Variants in PTPN3 observed in about 807,000 individuals in gnomAD.
The protein encoded by PTPN3 is protein tyrosine phosphatase non-receptor type 3, also known as tyrosine-protein phosphatase non-receptor type 3.
Under a neutral mutation model 132.7 loss-of-function variants are expected in PTPN3, and 96 were observed. The observed-to-expected ratio is 0.72, with a 90% CI of 0.61 to 0.86. The LOEUF is 0.86. PTPN3 is among the 40% of genes least tolerant of loss of function. PTPN3 has a pLI of 0.00. For synonymous variants in PTPN3, 398 were observed against 429.0 expected (o/e 0.93, Z 0.89); for missense variants, 1,125 against 1,159.6 (o/e 0.97, Z 0.43).
chr9:109,436,950 G>T lies in PTPN3; in HGVS notation c.608C>A (p.Ala203Glu). ...CGCTATGTTGATATAGCAGGATTCT[G>T]CTTCTGATTGTTTTAGCCCACTACG... is the stretch of plus-strand genomic sequence containing the variant. ...EQHSGLKQSE[A>E]ESCYINIART... Residue 203 changes from alanine (A) to glutamate (E), a missense_variant, in exon 9 of 26, where the codon GCA (alanine) becomes GAA (glutamate). Coordinates refer to ENST00000374541, the MANE Select transcript of PTPN3 (RefSeq NM_002829.4). The T allele has an allele frequency of 6.2e-7, 1 of 1,614,058 alleles. No homozygotes were observed. Among genetic ancestry groups the T allele is most frequent in the Non-Finnish European group, 8.5e-7 (1 of 1,179,972 alleles).
At chr9:109,486,670 G>A (rs1057464546) in intron 1 of PTPN3, among the ~76,000 whole-genome samples, 10 of 152,146 alleles carry the variant, frequency 6.6e-5, no homozygotes, top group Admixed American at 2.0e-4. Flanking sequence ...GTGCAGATGT[G>A]ATATACACAG....
chr9:109,502,422 G>A (rs771698958), upstream of PTPN3, among the ~76,000 whole-genome samples: 1 of 152,228 alleles, frequency 6.6e-6, no homozygotes, highest in Non-Finnish European at 1.5e-5. Context: ...ACATGGGCAA[G>A]TGGTGCTGTT....
At chr9:109,430,727 T>A (rs1346122357) in intron 10 of PTPN3, among the ~76,000 whole-genome samples, 1 of 152,160 alleles carries the variant, frequency 6.6e-6, no homozygotes, top group African/African-American at 2.4e-5. Context: ...CATGCAGGAA[T>A]GCCTAGAGTC....
chr9:109,474,631 A>G (rs1355416034), intron 1 of PTPN3, among the ~76,000 whole-genome samples: 2 of 152,180 alleles, frequency 1.3e-5, no homozygotes, highest in African/African-American at 4.8e-5. Flanking sequence ...TGGGGGGGAA[A>G]ATGCACGCAT....
At chr9:109,449,928 G>A (rs1050016197) in intron 5 of PTPN3, 48 of 985,206 alleles carry the variant, frequency 4.9e-5, no homozygotes, top group Non-Finnish European at 5.7e-5. Flanking sequence ...CTTTGTACAT[G>A]GTACTACTTT....
intron 2 of PTPN3, among the ~76,000 whole-genome samples, chr9:109,460,779 A>G (rs12000215): frequency 0.36 from 55,043 of 152,028 alleles, 10,575 homozygotes; most frequent in African/African-American, 0.49. Flanking sequence ...GACTCAGCAC[A>G]TATTTTTTTA....
chr9:109,534,068 G>A, the PTPN3 span: 1 of 771,406 alleles, frequency 1.3e-6, no homozygotes, highest in South Asian at 1.4e-5. Flanking sequence ...TTGGCAGTCT[G>A]GGGTACAAAT....
chr9:109,518,895 T>C, the PTPN3 span, among the ~76,000 whole-genome samples: 3 of 152,134 alleles, frequency 2.0e-5, no homozygotes, highest in Non-Finnish European at 4.4e-5. Context: ...TCCAGAAGAC[T>C]GAGAATAAGA....
chr9:109,497,587 C>T (rs1374637360), intron 1 of PTPN3, among the ~76,000 whole-genome samples: 5 of 152,166 alleles, frequency 3.3e-5, no homozygotes, highest in Non-Finnish European at 5.9e-5. Context: ...GTTTAGGTAG[C>T]TGAAAATGGG....
At chr9:109,450,078 T>C in intron 5 of PTPN3, 2 of 984,616 alleles carry the variant, frequency 2.0e-6, no homozygotes, top group Non-Finnish European at 2.4e-6. Context: ...GATCATGTTA[T>C]AAAAAAACTC....
the PTPN3 span, among the ~76,000 whole-genome samples, chr9:109,529,551 T>G: frequency 6.6e-6 from 1 of 152,226 alleles, no homozygotes; most frequent in South Asian, 2.1e-4. Context: ...TCCATTCCTA[T>G]CTGTTCTCTA....
intron 12 of PTPN3, among the ~76,000 whole-genome samples, chr9:109,423,967 A>G (rs143773421): frequency 1.3e-5 from 2 of 152,346 alleles, no homozygotes; most frequent in Non-Finnish European, 2.9e-5. Context: ...TCACATTAAG[A>G]AATGCTGTTG....
chr9:109,502,973 CT>C (rs1289455666), upstream of PTPN3, among the ~76,000 whole-genome samples: 12 of 152,254 alleles, frequency 7.9e-5, no homozygotes, highest in African/African-American at 2.9e-4. Flanking sequence ...CAGAAGTTAT[CT>C]TTTACAAATT....
intron 25 of PTPN3, among the ~76,000 whole-genome samples, chr9:109,379,978 TCCTGGA>T (rs1365987963): frequency 1.3e-5 from 2 of 152,116 alleles, no homozygotes; most frequent in Non-Finnish European, 1.5e-5. Flanking sequence ...GGGAGCCTGC[TCCTGGA>T]CTCAACACCT....
chr9:109,464,609 G>A (rs1247785193), intron 1 of PTPN3, among the ~76,000 whole-genome samples: 1 of 152,062 alleles, frequency 6.6e-6, no homozygotes, highest in South Asian at 2.1e-4. Flanking sequence ...ACCAAAATAT[G>A]TATCTAATAA....
chr9:109,463,809 A>G (rs1845966389), intron 1 of PTPN3, among the ~76,000 whole-genome samples: 2 of 152,222 alleles, frequency 1.3e-5, no homozygotes. Flanking sequence ...TGGTATAAAT[A>G]TGATTTCAAA....
the PTPN3 span, among the ~76,000 whole-genome samples, chr9:109,536,831 T>C: frequency 6.6e-6 from 1 of 152,222 alleles, no homozygotes; most frequent in Admixed American, 6.5e-5. Flanking sequence ...TGTAAGTCTC[T>C]GGGAAGTTAA....
rs576352362 is a variant in PTPN3 at position 109,457,303 on chromosome 9, C to T, written c.235G>A (p.Val79Met). 4.4e-5 allele frequency: 71 copies of T among 1,613,864 alleles called. No individual in the cohort carries two copies. Among genetic ancestry groups the T allele is most frequent in the Non-Finnish European group, 5.2e-5 (61 of 1,179,732 alleles). Residue 79 changes from valine (V) to methionine (M), a missense_variant, in exon 3 of 26, where the codon GTG becomes ATG. Physicochemically the swap from Val to Met is conservative, Grantham distance 21. Coordinates refer to ENST00000374541, the MANE Select transcript of PTPN3 (RefSeq NM_002829.4). ...AAAATGGCACTTACAGGAGAGTCCA[C>T]GGAGTCGTCATCATGCTGTAAACCA... ...YFGLQHDDDSVDSPRWLEASK... is the reference protein window; with the variant it reads ...YFGLQHDDDSMDSPRWLEASK...
the PTPN3 span, among the ~76,000 whole-genome samples, chr9:109,512,214 G>T: frequency 1.3e-5 from 2 of 152,086 alleles, no homozygotes; most frequent in African/African-American, 2.4e-5. Context: ...GCTTTTTAAC[G>T]ATATTCCTTC....
Sources: gnomAD v4.1 joint callset for allele counts (sites outside exome capture counted in the v4.1 genomes callset) on GRCh38, gnomAD v4.1.1 for gene constraint, MANE v1.5 for transcripts, NCBI Gene and HGNC (gene_info 2026-07-23, HGNC 2026-07-21) for gene names.